ANKS1B: variants seen among roughly 807,000 people sequenced by gnomAD.
The protein encoded by ANKS1B is ankyrin repeat and sterile alpha motif domain-containing protein 1B.
ANKS1B carries 36 observed loss-of-function variants against 148.3 expected under a neutral mutation model. The ratio of observed to expected loss-of-function variants is 0.24; its 90% CI spans 0.19 to 0.32. The LOEUF (loss-of-function observed/expected upper bound fraction) is 0.32, where lower values mean the gene tolerates loss of function less well. Ranked by LOEUF, ANKS1B falls within the 10% of genes least tolerant of loss-of-function variation. The pLI is 1.00. For missense variants in ANKS1B, 1,157 were observed against 1,542.6 expected (o/e 0.75, Z 4.19); for synonymous variants, 542 against 560.8 (o/e 0.97, Z 0.47).
At chr12:98,766,634 A>G (rs1377545565) in intron 25 of ANKS1B, among the ~76,000 whole-genome samples, 1 of 152,206 alleles carries the variant, frequency 6.6e-6, no homozygotes, top group Non-Finnish European at 1.5e-5. Context: ...CCTCCATGAT[A>G]TTAATTCAAT....
intron 12 of ANKS1B, among the ~76,000 whole-genome samples, chr12:99,360,739 T>C (rs1378870804): frequency 1.3e-5 from 2 of 152,152 alleles, no homozygotes; most frequent in African/African-American, 4.8e-5. Context: ...CACGCCAAGC[T>C]GAACCTAGTC....
intron 14 of ANKS1B, among the ~76,000 whole-genome samples, chr12:99,163,577 T>C (rs2076912104): frequency 6.6e-6 from 1 of 151,862 alleles, no homozygotes; most frequent in South Asian, 2.1e-4. Context: ...GACAGCACCA[T>C]CATAAGAATC....
At chr12:99,622,401 T>G (rs2098064432) in intron 9 of ANKS1B, among the ~76,000 whole-genome samples, 1 of 150,908 alleles carries the variant, frequency 6.6e-6, no homozygotes, top group Non-Finnish European at 1.5e-5. Context: ...CAGAACAGAA[T>G]GAAATAAAAG....
chr12:99,430,082 T>C lies in ANKS1B; in HGVS notation c.1575+13591A>G, dbSNP rs1412562509. Among the ~76,000 whole-genome samples the C allele has an allele frequency of 2.0e-5, 3 of 149,678 alleles. No individual in the cohort carries two copies. The East Asian group carries it at 5.9e-4, about 29-fold the overall frequency. On this transcript the variant is annotated intron_variant, in intron 11 of 26. Transcript: ENST00000683438. The stretch of plus-strand genomic sequence containing the variant: ...AAAAAAGATCTTTAGAAAAAAAAGA[T>C]CTTTGCATTGTGTTTCCAACTTCTC...
intron 8 of ANKS1B, among the ~76,000 whole-genome samples, chr12:99,657,749 T>C (rs1028305108): frequency 5.3e-5 from 8 of 151,536 alleles, no homozygotes; most frequent in African/African-American, 1.7e-4. Flanking sequence ...ACCATCAACA[T>C]TGATGCGGCA....
intron 8 of ANKS1B, among the ~76,000 whole-genome samples, chr12:99,668,631 C>A (rs1005395392): frequency 1.3e-5 from 2 of 151,032 alleles, no homozygotes; most frequent in Non-Finnish European, 3.0e-5. Context: ...GTCTAGTTTT[C>A]TTTGTTTTTG....
chr12:99,899,822 C>T (rs2093523038), intron 1 of ANKS1B, among the ~76,000 whole-genome samples: 1 of 152,062 alleles, frequency 6.6e-6, no homozygotes. Context: ...AATTTTAAAG[C>T]ACTTTTCATG....
At chr12:99,557,259 A>G (rs2097287488) in intron 9 of ANKS1B, among the ~76,000 whole-genome samples, 1 of 152,186 alleles carries the variant, frequency 6.6e-6, no homozygotes, top group Non-Finnish European at 1.5e-5. Flanking sequence ...ATCCTCAAAT[A>G]TATTTTCCAG....
chr12:98,828,926 T>C (rs1344392032), intron 19 of ANKS1B, among the ~76,000 whole-genome samples: 2 of 152,220 alleles, frequency 1.3e-5, no homozygotes, highest in African/African-American at 4.8e-5. Context: ...AAAGACTTTC[T>C]GGGTGCAATG....
intron 1 of ANKS1B, among the ~76,000 whole-genome samples, chr12:99,980,804 T>C (rs1159638488): frequency 6.6e-6 from 1 of 152,062 alleles, no homozygotes; most frequent in East Asian, 1.9e-4. Context: ...CTGCTTTATA[T>C]TGACCCATAC....
chr12:99,974,699 A>C (rs1255164470), intron 1 of ANKS1B, among the ~76,000 whole-genome samples: 1 of 151,972 alleles, frequency 6.6e-6, no homozygotes, highest in East Asian at 2.0e-4. Context: ...AAGAACAGCA[A>C]GGCAGGAGGA....
At chr12:98,844,903 T>A (rs574583782) in intron 17 of ANKS1B, among the ~76,000 whole-genome samples, 22 of 152,316 alleles carry the variant, frequency 1.4e-4, no homozygotes, top group African/African-American at 5.1e-4. Context: ...AATTCAACAT[T>A]CTCTCAACGG....
Position 98,868,619 on chromosome 12 carries a change from T to C in ANKS1B, c.2779-36483A>G, listed in dbSNP as rs550506626. 6.6e-5 allele frequency among the ~76,000 whole-genome samples: 10 copies of C among 152,338 alleles called. No individual in the cohort carries two copies. The South Asian group carries it at 1.2e-3, about 19-fold the overall frequency. On this transcript the variant is annotated intron_variant, in intron 17 of 26. Transcript: ENST00000683438. The stretch of plus-strand genomic sequence containing the variant: ...CGAACAACAAACTTCCCCGAATGTG[T>C]TGACTATCTTTTGGAATGAAGAGAA...
chr12:99,595,969 G>A lies in ANKS1B; in HGVS notation c.1272+59098C>T, dbSNP rs552147264. ...TGATATCAATTTAAATAGATGCATG[G>A]CATCTGTGAAATATGAGATGCTGGG... On this transcript the variant is annotated intron_variant, in intron 9 of 26. Transcript: ENST00000683438. Among the ~76,000 whole-genome samples, 5 of 151,950 alleles carry A rather than the reference G, an allele frequency of 3.3e-5. No homozygotes were observed. In the East Asian group the frequency reaches 9.7e-4, roughly 29 times the overall value.
chr12:98,773,657 T>A (rs2098630628), intron 24 of ANKS1B, among the ~76,000 whole-genome samples: 1 of 152,196 alleles, frequency 6.6e-6, no homozygotes, highest in Non-Finnish European at 1.5e-5. Context: ...GTTTACACCA[T>A]GTTGGCCAGG....
chr12:98,973,856 C>T (rs374563666), intron 17 of ANKS1B, among the ~76,000 whole-genome samples: 3 of 151,478 alleles, frequency 2.0e-5, no homozygotes, highest in South Asian at 2.1e-4. Flanking sequence ...TCTATAGATA[C>T]GTACCTGCGA....
chr12:99,459,990 T>G (rs1383502865), intron 10 of ANKS1B, among the ~76,000 whole-genome samples: 1 of 152,136 alleles, frequency 6.6e-6, no homozygotes, highest in Admixed American at 6.6e-5. Context: ...GGCATTACAT[T>G]ACTGAACTTC....
chr12:99,036,422 A>G (rs193021359), intron 17 of ANKS1B, among the ~76,000 whole-genome samples: 3 of 152,162 alleles, frequency 2.0e-5, no homozygotes, highest in African/African-American at 7.2e-5. Flanking sequence ...TATTTCACTG[A>G]TTCTAGAACA....
chr12:98,946,172 G>A (rs1021558219), intron 17 of ANKS1B, among the ~76,000 whole-genome samples: 1 of 152,138 alleles, frequency 6.6e-6, no homozygotes, highest in South Asian at 2.1e-4. Context: ...TAGGTAAAGC[G>A]TCCTCATCCT....
Sources: allele counts gnomAD v4.1 joint callset (sites outside exome capture counted in the v4.1 genomes callset), GRCh38; gene constraint gnomAD v4.1.1; transcripts MANE v1.5; gene names NCBI Gene and HGNC (gene_info 2026-07-23, HGNC 2026-07-21).